The following ITGAE variants were observed in gnomAD, a reference collection of about 807,000 sequenced individuals.
ITGAE encodes the protein integrin alpha-E.
Under a neutral mutation model 136.5 loss-of-function variants are expected in ITGAE, and 99 were observed. The observed-to-expected ratio is 0.73, with a 90% CI of 0.62 to 0.86. The LOEUF is 0.86. ITGAE is among the 40% of genes least tolerant of loss of function. The probability of loss-of-function intolerance (pLI) is 0.00; values close to 1 mark genes in which losing one functional copy is unlikely to be tolerated. For missense variants in ITGAE, 1,447 were observed against 1,515.3 expected, an observed-to-expected ratio of 0.95 and a Z score of 0.75; for synonymous variants, 613 against 591.8, an observed-to-expected ratio of 1.04 and a Z score of -0.52.
At chr17:3,747,747 C>G (rs895629652) in intron 17 of ITGAE, among the ~76,000 whole-genome samples, 175 bp downstream of exon 17, 27 of 152,210 alleles carry the variant, frequency 1.8e-4, no homozygotes, top group African/African-American at 5.5e-4. Context: ...AGGCAGTTTG[C>G]ATTTAACAAA....
At chr17:3,776,750 G>GA (rs1030552541) in intron 2 of ITGAE, among the ~76,000 whole-genome samples, 32 of 151,736 alleles carry the variant, frequency 2.1e-4, no homozygotes, top group African/African-American at 7.5e-4. Context: ...GAGTTGGGGG[G>GA]GTCTCACTAT....
intron 23 of ITGAE, chr17:3,730,487 T>G (rs1217414480): frequency 7.5e-6 from 1 of 133,152 alleles, no homozygotes; most frequent in Non-Finnish European, 1.7e-5. Flanking sequence ...CTTTCAGAGA[T>G]AAGCAATTGG....
chr17:3,731,003 C>G, intron 23 of ITGAE, 101 bp downstream of exon 23: 1 of 906,004 alleles, frequency 1.1e-6, no homozygotes, highest in Admixed American at 2.0e-5. Flanking sequence ...TTCCTTTCTC[C>G]CTGGGCTGTA....
rs2051114388 is a variant in ITGAE at position 3,723,759 on chromosome 17, A to C, written c.3085-15T>G. Reference sequence around the variant, plus strand: ...ACCGTGGAGGCCTGAAACGAGAGCCATGACCGCGACGCGCTGAACAAACCA... The same window carrying C: ...ACCGTGGAGGCCTGAAACGAGAGCCCTGACCGCGACGCGCTGAACAAACCA... On this transcript the variant is annotated splice_polypyrimidine_tract_variant and intron_variant, in intron 26 of 30. Transcript: ENST00000263087. 7.5e-6 allele frequency: 12 copies of C among 1,606,406 alleles called. No homozygotes were observed. The highest frequency in any genetic ancestry group is 1.0e-5 in the Non-Finnish European group (12 of 1,176,914).
chr17:3,742,942 G>A (rs759414808), intron 19 of ITGAE, among the ~76,000 whole-genome samples: 3 of 152,188 alleles, frequency 2.0e-5, no homozygotes, highest in Non-Finnish European at 4.4e-5. Flanking sequence ...ATCAGCCAGG[G>A]CGCCCGGCTG....
In ITGAE at chr17:3,794,815, G is replaced by A. The variant is rs566456370; in HGVS notation, c.34+6296C>T. On this transcript the variant is annotated intron_variant, in intron 1 of 30. Coordinates refer to ENST00000263087, the MANE Select transcript of ITGAE (RefSeq NM_002208.5). ...AAAGTGCGAGCTGCCAACATGTTAC[G>A]AGGGGTGGGTGGGGGGCCTTCTTCC... 2.0e-5 allele frequency among the ~76,000 whole-genome samples: 3 copies of A among 152,258 alleles called. No individual in the cohort carries two copies. In the South Asian group the frequency reaches 6.2e-4, roughly 32 times the overall value.
chr17:3,734,237 AT>A (rs34963571), intron 21 of ITGAE, among the ~76,000 whole-genome samples: 112,831 of 151,558 alleles, frequency 0.74, 42,753 homozygotes, highest in African/African-American at 0.87. Context: ...CGCCCAGCTA[AT>A]TTTTTTTTGT....
intron 20 of ITGAE, 99 bp from the exon 21 acceptor site, chr17:3,735,048 T>C: frequency 7.2e-7 from 1 of 1,385,896 alleles, no homozygotes; most frequent in Non-Finnish European, 1.0e-6. Flanking sequence ...CGTGGTGCTG[T>C]GGTGCAATGA....
chr17:3,745,629 A>C, intron 18 of ITGAE, 135 bp downstream of exon 18: 11 of 877,024 alleles, frequency 1.3e-5, no homozygotes, highest in Middle Eastern at 2.7e-4. Flanking sequence ...GGCGTGAGCC[A>C]CCGTGCCTGG....
At position 3,749,340 on chromosome 17, in the gene ITGAE, C is replaced by T. The variant is rs371947494; in HGVS notation, c.2024+1012G>A. Among the ~76,000 whole-genome samples the T allele has an allele frequency of 5.0e-3, 753 of 152,086 alleles. 8 individuals carry two copies. The highest frequency in any genetic ancestry group is 0.017 in the African/African-American group (721 of 41,488). ...CGCGATCTCCGCTCACTGCAAGCTC[C>T]GCCTCCCGGGTTCACCATTCTCCTG... is the stretch of plus-strand genomic sequence containing the variant. On this transcript the variant is annotated intron_variant, in intron 16 of 30. Coordinates refer to ENST00000263087, the MANE Select transcript of ITGAE (RefSeq NM_002208.5).
At chr17:3,756,450 G>A (rs1393294520) in intron 10 of ITGAE, among the ~76,000 whole-genome samples, 2 of 141,840 alleles carry the variant, frequency 1.4e-5, no homozygotes, top group African/African-American at 5.3e-5. Flanking sequence ...CACCCATCCT[G>A]GAGTGCAGTG....
intron 1 of ITGAE, among the ~76,000 whole-genome samples, chr17:3,789,369 T>G (rs1360663777): frequency 6.6e-6 from 1 of 152,166 alleles, no homozygotes. Context: ...CTACATGAAG[T>G]GCATTTCAGG....
chr17:3,743,203 T>C (rs2143015276), intron 19 of ITGAE, among the ~76,000 whole-genome samples: 2 of 152,346 alleles, frequency 1.3e-5, no homozygotes, highest in South Asian at 4.1e-4. Context: ...ATGCAATGTA[T>C]GCATGTGCCT....
chr17:3,723,915 A>G, intron 26 of ITGAE, 171 bp from the exon 27 acceptor site: 1 of 1,539,118 alleles, frequency 6.5e-7, no homozygotes, highest in South Asian at 1.2e-5. Flanking sequence ...TTGCGTTTGA[A>G]CCTCTTGGCG....
intron 2 of ITGAE, among the ~76,000 whole-genome samples, chr17:3,768,436 A>T (rs1228559634): frequency 6.6e-6 from 1 of 152,186 alleles, no homozygotes; most frequent in East Asian, 1.9e-4. Context: ...GGCATGAGCC[A>T]CAGCACCTGG....
At chr17:3,775,359 G>C (rs1025677676) in intron 2 of ITGAE, among the ~76,000 whole-genome samples, 1 of 152,170 alleles carries the variant, frequency 6.6e-6, no homozygotes, top group Admixed American at 6.6e-5. Context: ...TCTGCTTTTA[G>C]TATTGCATTG....
intron 13 of ITGAE, 31 bp from the exon 14 acceptor site, chr17:3,753,461 G>A (rs1180382443): frequency 1.2e-6 from 2 of 1,607,342 alleles, no homozygotes; most frequent in Non-Finnish European, 1.7e-6. Flanking sequence ...AGCTCACCAG[G>A]AGCCCCGCTC....
chr17:3,718,054 G>A (rs1237912829), intron 29 of ITGAE: 3 of 152,258 alleles, frequency 2.0e-5, no homozygotes, highest in Non-Finnish European at 4.4e-5. Flanking sequence ...CCCAAGTAGA[G>A]GTTAAGGGAG....
At position 3,801,173 on chromosome 17, in the gene ITGAE, G is replaced by A. The variant is rs764727853; in HGVS notation, c.-29C>T. The A allele has an allele frequency of 3.7e-6, 6 of 1,607,646 alleles. No individual in the cohort carries two copies. The highest frequency in any genetic ancestry group is 1.6e-4 in the Middle Eastern group (1 of 6,074). On this transcript the variant is annotated 5_prime_UTR_variant, in exon 1 of 31. Transcript: ENST00000263087. ...TGCTGGAGCAGAGGCGGCTGTGTGG[G>A]AGCCGAGGCGAGTGCGACACATGGG... is the stretch of plus-strand genomic sequence containing the variant.
Sources: allele counts gnomAD v4.1 joint callset (sites outside exome capture counted in the v4.1 genomes callset), GRCh38; gene constraint gnomAD v4.1.1; transcripts MANE v1.5; gene names NCBI Gene and HGNC (gene_info 2026-07-23, HGNC 2026-07-21).